WWTR1: variants seen among roughly 807,000 people sequenced by gnomAD.
WWTR1 encodes WW domain-containing transcription regulator protein 1.
In WWTR1, 13 loss-of-function variants were observed where a neutral mutation model predicts 40.1. The observed-to-expected ratio is 0.32, with a 90% CI of 0.21 to 0.52. The LOEUF is 0.52. WWTR1 is among the 20% of genes least tolerant of loss of function. The pLI, the probability that WWTR1 is intolerant of heterozygous loss-of-function variation, is 0.97. For synonymous variants in WWTR1, 230 were observed against 210.1 expected (o/e 1.09, Z -0.82); for missense variants, 436 against 523.1 (o/e 0.83, Z 1.63).
chr3:149,573,898 C>T (rs1737759677), intron 2 of WWTR1, among the ~76,000 whole-genome samples: 1 of 152,120 alleles, frequency 6.6e-6, no homozygotes, highest in Non-Finnish European at 1.5e-5. Flanking sequence ...ACCTTAGAGA[C>T]TCTGTCCCAC....
chr3:149,524,325 T>C lies in WWTR1; in HGVS notation c.1018+1688A>G, dbSNP rs1195066814. ...ATAGAGTAGAATCCATCCTCTTTTATGGTTTTTTTTTTTTTTTTTTGAATG... is the reference window on the plus strand; with the variant it reads ...ATAGAGTAGAATCCATCCTCTTTTACGGTTTTTTTTTTTTTTTTTTGAATG... On this transcript the variant is annotated intron_variant, in intron 6 of 6. Transcript: ENST00000360632. Among the ~76,000 whole-genome samples, 4 of 52,046 alleles carry C rather than the reference T, an allele frequency of 7.7e-5. No individual in the cohort carries two copies. The East Asian group carries it at 1.5e-3, about 19-fold the overall frequency. The allele number at this position is 52,046 out of a possible 152,430, so 34.1% of individuals were successfully genotyped here.
chr3:149,544,362 C>T (rs1369324565), intron 3 of WWTR1, among the ~76,000 whole-genome samples: 2 of 152,170 alleles, frequency 1.3e-5, no homozygotes, highest in African/African-American at 2.4e-5. Flanking sequence ...TTTGTCCATA[C>T]GCTCACTGAA....
chr3:149,720,302 A>G (rs1715725246), intron 4 of WWTR1, among the ~76,000 whole-genome samples: 1 of 152,180 alleles, frequency 6.6e-6, no homozygotes, highest in Non-Finnish European at 1.5e-5. Flanking sequence ...TGCGTATGGT[A>G]TTAGGTAAAG....
intron 2 of WWTR1, among the ~76,000 whole-genome samples, chr3:149,580,392 C>T (rs1738086049): frequency 6.6e-6 from 1 of 152,122 alleles, no homozygotes; most frequent in Non-Finnish European, 1.5e-5. Context: ...CTGCTGTCAC[C>T]TAAAACCACA....
At chr3:149,691,889 G>A (rs944974283) in intron 1 of WWTR1, among the ~76,000 whole-genome samples, 10 of 152,016 alleles carry the variant, frequency 6.6e-5, no homozygotes, top group South Asian at 2.1e-4. Context: ...GGTGGCAGGC[G>A]CCTGTAGTCC....
chr3:149,681,009 A>G (rs1340320231), intron 1 of WWTR1, among the ~76,000 whole-genome samples: 1 of 152,244 alleles, frequency 6.6e-6, no homozygotes, highest in Non-Finnish European at 1.5e-5. Flanking sequence ...AAGAACATAC[A>G]TCTGTAGTAC....
At chr3:149,525,755 G>GATTTTT (rs1735273419) in intron 6 of WWTR1, 1 of 270,164 alleles carries the variant, frequency 3.7e-6, no homozygotes, top group African/African-American at 2.2e-5. Flanking sequence ...AGACACTCGG[G>GATTTTT]ACTACTGGGA....
intron 1 of WWTR1, among the ~76,000 whole-genome samples, chr3:149,698,795 G>A (rs1218462302): frequency 6.6e-6 from 1 of 152,246 alleles, no homozygotes; most frequent in Non-Finnish European, 1.5e-5. Context: ...TAGAACTGCA[G>A]CACAAGTTGT....
At chr3:149,556,392 A>C (rs1454931571) in intron 3 of WWTR1, among the ~76,000 whole-genome samples, 2 of 152,174 alleles carry the variant, frequency 1.3e-5, no homozygotes, top group African/African-American at 4.8e-5. Context: ...CAGCCTTGCC[A>C]ACATAGTGAA....
intron 2 of WWTR1, among the ~76,000 whole-genome samples, chr3:149,664,228 C>A (rs1713710198): frequency 6.6e-6 from 1 of 152,194 alleles, no homozygotes; most frequent in Non-Finnish European, 1.5e-5. Flanking sequence ...AGGGTTGGGT[C>A]ACCATTAGCA....
intron 3 of WWTR1, among the ~76,000 whole-genome samples, chr3:149,561,113 C>T (rs1258558938): frequency 6.6e-6 from 1 of 151,890 alleles, no homozygotes; most frequent in Non-Finnish European, 1.5e-5. Context: ...TAAAGGTGGG[C>T]ACAAAAATGT....
At chr3:149,564,880 A>C (rs1319288258) in intron 3 of WWTR1, among the ~76,000 whole-genome samples, 3 of 152,170 alleles carry the variant, frequency 2.0e-5, no homozygotes, top group African/African-American at 7.2e-5. Context: ...CCATTATTTC[A>C]CTGCTTATAA....
At chr3:149,652,580 C>G (rs561808512) in intron 2 of WWTR1, among the ~76,000 whole-genome samples, 1 of 115,850 alleles carries the variant, frequency 8.6e-6, no homozygotes, top group Non-Finnish European at 1.6e-5. Context: ...CTATGATTCC[C>G]ACTGCACTCT....
chr3:149,719,116 A>T (rs1304474055), intron 4 of WWTR1, among the ~76,000 whole-genome samples: 4 of 150,368 alleles, frequency 2.7e-5, no homozygotes, highest in Non-Finnish European at 5.9e-5. Context: ...GTGAGGCACC[A>T]TGCCTGGCCT....
intron 2 of WWTR1, among the ~76,000 whole-genome samples, chr3:149,597,388 A>G (rs1259751502): frequency 6.9e-6 from 1 of 145,884 alleles, no homozygotes; most frequent in Non-Finnish European, 1.5e-5. Flanking sequence ...TTGAGCCTAG[A>G]GGTTCGAGAC....
At chr3:149,529,862 C>A (rs1208611763) in intron 4 of WWTR1, among the ~76,000 whole-genome samples, 1 of 152,068 alleles carries the variant, frequency 6.6e-6, no homozygotes, top group Non-Finnish European at 1.5e-5. Context: ...ACTTTATTAA[C>A]CATAAATGCA....
chr3:149,639,187 C>A (rs2108123140), intron 2 of WWTR1, among the ~76,000 whole-genome samples: 1 of 152,268 alleles, frequency 6.6e-6, no homozygotes, highest in South Asian at 2.1e-4. Context: ...TCAGAGTAGA[C>A]TAAGACTAAA....
intron 2 of WWTR1, among the ~76,000 whole-genome samples, chr3:149,640,574 C>T (rs1003558034): frequency 6.6e-6 from 1 of 152,040 alleles, no homozygotes; most frequent in Non-Finnish European, 1.5e-5. Flanking sequence ...GCATGTGCCA[C>T]CACACCCAGC....
intron 1 of WWTR1, chr3:149,702,271 GC>G (rs1715201785): frequency 6.6e-6 from 1 of 152,156 alleles, no homozygotes; most frequent in African/African-American, 2.4e-5. Flanking sequence ...TATGAAATGT[GC>G]CCTACATTAA....
Sources: gnomAD v4.1 joint callset for allele counts (sites outside exome capture counted in the v4.1 genomes callset) on GRCh38, gnomAD v4.1.1 for gene constraint, MANE v1.5 for transcripts, NCBI Gene and HGNC (gene_info 2026-07-23, HGNC 2026-07-21) for gene names.